DOCK3: variants seen among roughly 807,000 people sequenced by gnomAD.
DOCK3 encodes the protein dedicator of cytokinesis 3, also known as dedicator of cytokinesis protein 3.
A neutral mutation model predicts 265.6 loss-of-function variants in DOCK3; 60 were observed. The observed-to-expected ratio is 0.23, with a 90% confidence interval of 0.18 to 0.28. DOCK3 has a LOEUF of 0.28. DOCK3 is among the 10% of genes least tolerant of loss of function. The pLI is 1.00. For missense variants in DOCK3, 1,981 were observed against 2,594.3 expected (o/e 0.76, Z 5.14); for synonymous variants, 881 against 938.0 (o/e 0.94, Z 1.11).
In DOCK3 at chr3:51,300,075, C is replaced by G. The variant is rs545812003; in HGVS notation, c.2923-10157C>G. ...GGATGTTTTTCCATTTGTTTGTGTCCTCTCTGATTTCCTTGAGCAGTGGTT... is the reference window on the plus strand; with the variant it reads ...GGATGTTTTTCCATTTGTTTGTGTCGTCTCTGATTTCCTTGAGCAGTGGTT... On this transcript the variant is annotated intron_variant, in intron 27 of 52. Transcript: ENST00000266037. Among the ~76,000 whole-genome samples, 15 of 152,182 alleles carry G rather than the reference C, an allele frequency of 9.9e-5. No individual in the cohort carries two copies. The South Asian group carries it at 1.9e-3, about 19-fold the overall frequency.
At chr3:50,800,250 G>T (rs1186356946) in intron 2 of DOCK3, among the ~76,000 whole-genome samples, 5 of 152,298 alleles carry the variant, frequency 3.3e-5, no homozygotes, top group African/African-American at 1.2e-4. Context: ...TTTTGAAGTA[G>T]TTTGAGAAGA....
In DOCK3 at chr3:51,203,780, G is replaced by A. The variant is rs2088976718; in HGVS notation, c.1038-4994G>A. ...CTTCAAATTATACTACAAGGCTACA[G>A]TAACCAAAACAGCATGGTACTGGTA... On this transcript the variant is annotated intron_variant, in intron 12 of 52. Coordinates refer to ENST00000266037, the MANE Select transcript of DOCK3 (RefSeq NM_004947.5). Among the ~76,000 whole-genome samples the A allele has an allele frequency of 3.3e-5, 5 of 152,302 alleles. No homozygotes were observed. In the South Asian group the frequency reaches 1.0e-3, roughly 32 times the overall value.
chr3:51,343,693 C>A (rs1576874547), intron 38 of DOCK3, among the ~76,000 whole-genome samples: 1 of 152,312 alleles, frequency 6.6e-6, no homozygotes, highest in Admixed American at 6.5e-5. Context: ...GCTCTCAAAG[C>A]CCCCAGACCC....
At chr3:51,209,574 A>T (rs1348947880) in intron 13 of DOCK3, among the ~76,000 whole-genome samples, 1 of 152,240 alleles carries the variant, frequency 6.6e-6, no homozygotes, top group Non-Finnish European at 1.5e-5. Flanking sequence ...GTTACTCCTG[A>T]CAGTTTTTAC....
chr3:51,257,178 C>T (rs1045528274), intron 22 of DOCK3, among the ~76,000 whole-genome samples: 24 of 152,176 alleles, frequency 1.6e-4, no homozygotes, highest in African/African-American at 4.6e-4. Context: ...TTCTGTAATA[C>T]GTCCAACACT....
At chr3:50,937,445 G>A (rs889807853) in intron 5 of DOCK3, among the ~76,000 whole-genome samples, 2 of 152,114 alleles carry the variant, frequency 1.3e-5, no homozygotes, top group Non-Finnish European at 2.9e-5. Flanking sequence ...ACGAGGTCAG[G>A]AGATTGAGAC....
intron 5 of DOCK3, among the ~76,000 whole-genome samples, chr3:50,983,469 G>A (rs2077777413): frequency 6.6e-6 from 1 of 152,160 alleles, no homozygotes; most frequent in African/African-American, 2.4e-5. Context: ...GGCTCAGCCA[G>A]AGCTGGACAG....
intron 22 of DOCK3, among the ~76,000 whole-genome samples, chr3:51,251,910 G>GAA (rs2079266203): frequency 6.6e-6 from 1 of 152,066 alleles, no homozygotes; most frequent in Non-Finnish European, 1.5e-5. Context: ...CATTACTTTT[G>GAA]GTGTTTTAGA....
chr3:50,844,523 C>T (rs1294446188), intron 3 of DOCK3, among the ~76,000 whole-genome samples: 1 of 152,064 alleles, frequency 6.6e-6, no homozygotes, highest in Non-Finnish European at 1.5e-5. Context: ...GCCTGGCCAG[C>T]ACTTAGATAT....
At chr3:51,143,676 T>A (rs189279735) in intron 9 of DOCK3, among the ~76,000 whole-genome samples, 5 of 152,334 alleles carry the variant, frequency 3.3e-5, no homozygotes, top group Non-Finnish European at 7.3e-5. Context: ...AAATCTTGTG[T>A]CCATTTTTTA....
Position 51,277,949 on chromosome 3 carries a change from G to A in DOCK3, c.2823+195G>A, listed in dbSNP as rs755593023. The A allele has an allele frequency of 6.4e-4, 627 of 985,196 alleles. 1 individual carries two copies. Among genetic ancestry groups the A allele is most frequent in the Non-Finnish European group, 6.9e-4 (571 of 829,920 alleles). The allele number at this position is 985,196 out of a possible 1,614,324, so 61.0% of individuals were successfully genotyped here. ...TGAAAGCTCTAGGTTCACATTCCCAGGACTCTTCTTTAGGGCAGATCTGGG... is the reference window on the plus strand; with the variant it reads ...TGAAAGCTCTAGGTTCACATTCCCAAGACTCTTCTTTAGGGCAGATCTGGG... On this transcript the variant is annotated intron_variant, in intron 26 of 52. Transcript: ENST00000266037.
At chr3:51,096,437 A>G (rs781066610) in intron 9 of DOCK3, among the ~76,000 whole-genome samples, 4 of 151,236 alleles carry the variant, frequency 2.6e-5, no homozygotes, top group Admixed American at 6.6e-5. Context: ...CAATTCGGCT[A>G]TTGATACTTG....
At chr3:51,225,840 C>T in intron 15 of DOCK3, 67 bp downstream of exon 15, 3 of 1,535,694 alleles carry the variant, frequency 2.0e-6, no homozygotes, top group Non-Finnish European at 2.6e-6. Context: ...TGGACTTTAT[C>T]CAGAGGCCCA....
At chr3:51,044,218 G>C (rs1343439101) in intron 5 of DOCK3, among the ~76,000 whole-genome samples, 2 of 152,104 alleles carry the variant, frequency 1.3e-5, no homozygotes, top group African/African-American at 4.8e-5. Context: ...AAAATGTGGT[G>C]CATATATACC....
intron 9 of DOCK3, among the ~76,000 whole-genome samples, chr3:51,091,209 A>G (rs762388033): frequency 3.3e-5 from 5 of 152,168 alleles, no homozygotes; most frequent in Non-Finnish European, 7.3e-5. Flanking sequence ...AAACTGTTGC[A>G]TGTAGGCAAG....
intron 5 of DOCK3, among the ~76,000 whole-genome samples, chr3:50,972,020 G>A (rs1402345230): frequency 6.6e-6 from 1 of 152,218 alleles, no homozygotes; most frequent in Non-Finnish European, 1.5e-5. Flanking sequence ...ACTCAGATTG[G>A]ACAGACAATG....
At chr3:51,253,349 G>C (rs1164596354) in intron 22 of DOCK3, among the ~76,000 whole-genome samples, 3 of 152,104 alleles carry the variant, frequency 2.0e-5, no homozygotes, top group Non-Finnish European at 4.4e-5. Context: ...TCTCTGCCAG[G>C]CTTTGGTATC....
At chr3:51,062,089 A>AAATAGCCTCCTT (rs1560007949) in intron 5 of DOCK3, among the ~76,000 whole-genome samples, 1 of 152,126 alleles carries the variant, frequency 6.6e-6, no homozygotes, top group Non-Finnish European at 1.5e-5. Flanking sequence ...CTGTTGCACT[A>AAATAGCCTCCTT]AATAGCCTCC....
chr3:50,966,103 T>C (rs1044860544), intron 5 of DOCK3, among the ~76,000 whole-genome samples: 1 of 152,176 alleles, frequency 6.6e-6, no homozygotes, highest in Non-Finnish European at 1.5e-5. Flanking sequence ...TTATTTCACT[T>C]TACATAATAT....
Sources: gnomAD v4.1 joint callset for allele counts (sites outside exome capture counted in the v4.1 genomes callset) on GRCh38, gnomAD v4.1.1 for gene constraint, MANE v1.5 for transcripts, NCBI Gene and HGNC (gene_info 2026-07-23, HGNC 2026-07-21) for gene names.